The following RPS7 variants were observed in gnomAD, a reference collection of about 807,000 sequenced individuals.
RPS7 encodes the protein ribosomal protein S7.
A neutral mutation model predicts 22.1 loss-of-function variants in RPS7; 1 was observed. The observed-to-expected ratio is 0.05, with a 90% CI of 0.02 to 0.21. The LOEUF is 0.21. Among genes scored for constraint, RPS7 ranks in the 10% least tolerant of loss-of-function variants. The probability of loss-of-function intolerance (pLI) is 1.00; values close to 1 mark genes in which losing one functional copy is unlikely to be tolerated. For missense variants in RPS7, 137 were observed against 246.4 expected, an observed-to-expected ratio of 0.56 and a Z score of 2.97; for synonymous variants, 80 against 92.0, an observed-to-expected ratio of 0.87 and a Z score of 0.74.
At chr2:3,580,351 A>C in intron 6 of RPS7, 91 bp downstream of exon 6, 3 of 1,111,808 alleles carry the variant, frequency 2.7e-6, no homozygotes, top group Non-Finnish European at 4.1e-6. Context: ...CATAGCAATG[A>C]CTGTAGTAAA....
At chr2:3,578,879 T>C (rs982104449) in intron 5 of RPS7, 1 of 152,202 alleles carries the variant, frequency 6.6e-6, no homozygotes, top group African/African-American at 2.4e-5. Context: ...ATGGCTTCAG[T>C]GTTTCTAGTG....
intron 4 of RPS7, 118 bp downstream of exon 4, chr2:3,576,748 T>C: frequency 1.6e-6 from 2 of 1,261,906 alleles, no homozygotes; most frequent in Non-Finnish European, 2.3e-6. Context: ...TCCAATTGGG[T>C]AGAAAGATAA....
At position 3,575,366 on chromosome 2, in the gene RPS7, G is replaced by T. The variant is rs1412457727; in HGVS notation, c.-19+16G>T. On this transcript the variant is annotated intron_variant, in intron 1 of 6. Transcript: ENST00000645674. The stretch of plus-strand genomic sequence containing the variant: ...GCTCGGCAAGGTAGGTTGGCGGCCT[G>T]CTCTCCGACAGAACTTTTCTTCTTG... The T allele has an allele frequency of 1.3e-5, 7 of 553,598 alleles. No individual in the cohort carries two copies. The highest frequency in any genetic ancestry group is 6.4e-5 in the South Asian group (3 of 46,600). The allele number at this position is 553,598 out of a possible 1,614,324, so 34.3% of individuals were successfully genotyped here.
At chr2:3,576,899 A>C in intron 4 of RPS7, 1 of 487,380 alleles carries the variant, frequency 2.1e-6, no homozygotes. Flanking sequence ...TTAAAAAGAA[A>C]GATAAAGTAC....
At position 3,576,892 on chromosome 2, in the gene RPS7, AAAAG is replaced by A. The variant is rs376761689; in HGVS notation, c.291+268_291+271del. ...CAAAAAATAGAAAAAATAAGTTTTA[AAAAG>A]AAAGATAAAGTACGTTCTTTAATTA... On this transcript the variant is annotated intron_variant, in intron 4 of 6. Transcript: ENST00000645674. 1.1e-3 allele frequency: 555 copies of A among 509,644 alleles called. 3 individuals are homozygous for A. Among genetic ancestry groups the A allele is most frequent in the African/African-American group, 9.4e-3 (490 of 52,062 alleles). The allele number at this position is 509,644 out of a possible 1,614,324, so 31.6% of individuals were successfully genotyped here. A position where few individuals can be genotyped will look rare whatever the true frequency, so the allele number is the denominator to read the frequency against.
At chr2:3,577,503 G>A in intron 4 of RPS7, 2 of 590,730 alleles carry the variant, frequency 3.4e-6, no homozygotes, top group Non-Finnish European at 6.0e-6. Flanking sequence ...AGTAGAGGCT[G>A]TGGATTCTGA....
Position 3,576,534 on chromosome 2 carries a change from C to G in RPS7, c.195C>G (p.Pro65=). ...GGAAAGCTATCATAATCTTTGTTCC[C>G]GTTCCTCAACTGAAATCTTTCCAGA... The part of the protein sequence containing the change: ...GGRKAIIIFV[P]VPQLKSFQKI... The change falls in exon 4 of 7, where the codon CCC becomes CCG. Residue 65 remains proline, a synonymous_variant. Coordinates refer to ENST00000645674, the MANE Select transcript of RPS7 (RefSeq NM_001011.4). 1 of 1,613,750 alleles carries G rather than the reference C, an allele frequency of 6.2e-7. No homozygotes were observed. Among genetic ancestry groups the G allele is most frequent in the Admixed American group, 1.7e-5 (1 of 60,022 alleles).
chr2:3,576,077 G>T (rs1436122186), intron 3 of RPS7, 189 bp downstream of exon 3: 3 of 642,364 alleles, frequency 4.7e-6, no homozygotes, highest in Non-Finnish European at 8.5e-6. Context: ...CAGGTACCCT[G>T]CGGCTTAAGC....
At chr2:3,576,175 C>T (rs572831490) in intron 3 of RPS7, 8 of 590,074 alleles carry the variant, frequency 1.4e-5, no homozygotes, top group South Asian at 6.0e-5. Flanking sequence ...GTTATAGATA[C>T]GGCAAAGAGC....
intron 6 of RPS7, 149 bp from the exon 7 acceptor site, chr2:3,580,656 T>TC: frequency 1.5e-6 from 1 of 679,430 alleles, no homozygotes; most frequent in Non-Finnish European, 2.7e-6. Context: ...GAAGAGCTTG[T>TC]CCCCGGTCGT....
Position 3,575,761 on chromosome 2 carries a change from G to T in RPS7, c.76-56G>T, listed in dbSNP as rs1022038779. ...GGGGAGGCGGCCGCGCGTGTGTTGG[G>T]CCCGGGGTGCTCGGACGCGCGCTCA... On this transcript the variant is annotated intron_variant, in intron 2 of 6. Coordinates refer to ENST00000645674, the MANE Select transcript of RPS7 (RefSeq NM_001011.4). 8.8e-6 allele frequency: 14 copies of T among 1,594,510 alleles called. No homozygotes were observed. In the African/African-American group the frequency reaches 1.9e-4, roughly 21 times the overall value.
intron 4 of RPS7, chr2:3,576,867 C>A: frequency 1.8e-6 from 1 of 569,738 alleles, no homozygotes; most frequent in Non-Finnish European, 3.2e-6. Flanking sequence ...ACCCTGTCTA[C>A]AAAAAATAGA....
At chr2:3,576,790 T>A (rs1414128364) in intron 4 of RPS7, 160 bp downstream of exon 4, 11 of 909,782 alleles carry the variant, frequency 1.2e-5, no homozygotes, top group Admixed American at 1.7e-5. Context: ...CTTAGGCCTG[T>A]AATCCCAGCA....
chr2:3,579,153 C>T (rs1262790411), intron 5 of RPS7: 1 of 152,210 alleles, frequency 6.6e-6, no homozygotes, highest in Non-Finnish European at 1.5e-5. Flanking sequence ...TTGTAGATGA[C>T]ATTGGAATCT....
intron 4 of RPS7, chr2:3,577,342 AG>A (rs1170044844): frequency 4.7e-6 from 1 of 213,738 alleles, no homozygotes; most frequent in African/African-American, 2.3e-5. Flanking sequence ...TCTCAAAAAA[AG>A]AAGAAACCTG....
intron 1 of RPS7, 95 bp from the exon 2 acceptor site, chr2:3,575,497 G>C: frequency 2.5e-6 from 2 of 796,320 alleles, no homozygotes; most frequent in Non-Finnish European, 2.1e-6. Flanking sequence ...TGGCTTCTGC[G>C]GGGCGAGCGG....
At position 3,575,565 on chromosome 2, in the gene RPS7, G is replaced by A. The variant is rs745512910; in HGVS notation, c.-18-27G>A. 5 of 1,553,402 alleles carry A rather than the reference G, an allele frequency of 3.2e-6. No individual in the cohort carries two copies. The South Asian group carries it at 3.3e-5, about 10-fold the overall frequency. On this transcript the variant is annotated intron_variant, in intron 1 of 6. Transcript: ENST00000645674. ...GCCAGCGGCGCCTGCAGCCCGGGCC[G>A]CGTAACGCTGACCGCTGTGCCTTCA... is the stretch of plus-strand genomic sequence containing the variant.
intron 5 of RPS7, chr2:3,578,121 T>C: frequency 4.8e-6 from 1 of 206,838 alleles, no homozygotes; most frequent in East Asian, 1.2e-4. Flanking sequence ...ATCTTTGATT[T>C]TTATTTTTGC....
At chr2:3,576,727 C>A in intron 4 of RPS7, 97 bp downstream of exon 4, 1 of 1,367,300 alleles carries the variant, frequency 7.3e-7, no homozygotes, top group Non-Finnish European at 1.0e-6. Flanking sequence ...TGAAAACAAT[C>A]CTTTTATGAA....
Sources: allele counts gnomAD v4.1 joint callset, GRCh38; gene constraint gnomAD v4.1.1; transcripts MANE v1.5; gene names NCBI Gene and HGNC (gene_info 2026-07-23, HGNC 2026-07-21).